The following OSBPL5 variants were observed in gnomAD, a reference collection of about 807,000 sequenced individuals.
The protein encoded by OSBPL5 is oxysterol binding protein like 5, also known as oxysterol-binding protein-related protein 5.
Under a neutral mutation model 111.2 loss-of-function variants are expected in OSBPL5, and 71 were observed. The ratio of observed to expected loss-of-function variants is 0.64; its 90% CI spans 0.53 to 0.78. The LOEUF is 0.78. OSBPL5 is among the 30% of genes least tolerant of loss of function. The pLI is 0.00. For synonymous variants in OSBPL5, 549 were observed against 513.9 expected (o/e 1.07, Z -0.93); for missense variants, 1,210 against 1,189.3 (o/e 1.02, Z -0.26).
chr11:3,142,257 G>A lies in OSBPL5; in HGVS notation c.-21-13088C>T, dbSNP rs181490620. 1.5e-4 allele frequency among the ~76,000 whole-genome samples: 23 copies of A among 152,340 alleles called. No homozygotes were observed. Among genetic ancestry groups the A allele is most frequent in the East Asian group, 5.8e-4 (3 of 5,180 alleles). Reference sequence around the variant, plus strand: ...TGAGGCCAAGAGAAGAAGCTGACTCGCCCAGGGCCACACGGCAGGTTGGTG... The same window carrying A: ...TGAGGCCAAGAGAAGAAGCTGACTCACCCAGGGCCACACGGCAGGTTGGTG... On this transcript the variant is annotated intron_variant, in intron 1 of 21. Transcript: ENST00000263650. The surrounding 1 kb of genome is among the most constrained non-coding windows in gnomAD (Gnocchi z 7.1).
At chr11:3,094,555 G>T in intron 14 of OSBPL5, 1 of 518,164 alleles carries the variant, frequency 1.9e-6, no homozygotes, top group Non-Finnish European at 3.5e-6. Context: ...TGGGAGGTGC[G>T]GAGCCTGGGA....
intron 13 of OSBPL5, 36 bp from the exon 14 acceptor site, chr11:3,100,292 G>A (rs749199588): frequency 6.3e-6 from 10 of 1,594,164 alleles, no homozygotes; most frequent in South Asian, 4.4e-5. Flanking sequence ...CAGTGAGTGC[G>A]GACAGCCCTT....
rs931547881 is a variant in OSBPL5 at position 3,113,877 on chromosome 11, G to A, written c.691+5670C>T. Reference sequence around the variant, plus strand: ...CAGGAATGAACAAGGATAGCTTGAAGGTTAGAAACAAGATGGAGTCAGTTA... The same window carrying A: ...CAGGAATGAACAAGGATAGCTTGAAAGTTAGAAACAAGATGGAGTCAGTTA... On this transcript the variant is annotated intron_variant, in intron 7 of 21. Transcript: ENST00000263650. The surrounding 1 kb of genome is among the most constrained non-coding windows in gnomAD (Gnocchi z 4.8). Among the ~76,000 whole-genome samples the A allele has an allele frequency of 6.6e-6, 1 of 152,140 alleles. No individual in the cohort carries two copies. Among genetic ancestry groups the A allele is most frequent in the Non-Finnish European group, 1.5e-5 (1 of 68,022 alleles).
chr11:3,163,635 G>T (rs1466349057), intron 1 of OSBPL5, among the ~76,000 whole-genome samples: 1 of 152,186 alleles, frequency 6.6e-6, no homozygotes, highest in Non-Finnish European at 1.5e-5. Flanking sequence ...AGCCTCCACT[G>T]GACATGCAGG....
chr11:3,147,027 C>T (rs1220655564), intron 1 of OSBPL5, among the ~76,000 whole-genome samples: 2 of 152,112 alleles, frequency 1.3e-5, no homozygotes, highest in Non-Finnish European at 1.5e-5. Flanking sequence ...CTGGGTGGGC[C>T]GAGGCCCCAG....
intron 1 of OSBPL5, among the ~76,000 whole-genome samples, chr11:3,134,406 G>A (rs943703451): frequency 6.6e-6 from 1 of 152,166 alleles, no homozygotes. Context: ...TTGTTCAGCT[G>A]TTGGGCAGAC....
intron 21 of OSBPL5, 88 bp downstream of exon 21, chr11:3,089,758 C>T (rs1384421733): frequency 1.5e-6 from 2 of 1,313,512 alleles, no homozygotes; most frequent in African/African-American, 1.5e-5. Context: ...CCGCGGCCTC[C>T]TGGCCTCCCC....
chr11:3,119,829 C>T (rs1858341647), intron 6 of OSBPL5, 198 bp from the exon 7 acceptor site: 4 of 533,152 alleles, frequency 7.5e-6, no homozygotes, highest in Non-Finnish European at 6.5e-6. Context: ...GAGCTCTGTC[C>T]CCTTTCTTAG....
At position 3,107,978 on chromosome 11, in the gene OSBPL5, C is replaced by A. The variant is rs756590261; in HGVS notation, c.692-33G>T. On this transcript the variant is annotated intron_variant, in intron 7 of 21. Transcript: ENST00000263650. This position sits in a 1 kb window ranked among gnomAD's most constrained non-coding sequence, Gnocchi z 6.1. ...GCACACGGGATGAGCATGCCCCACC[C>A]CCACCTCTGTATATCCCGCATCCCC... 53 of 997,586 alleles carry A rather than the reference C, an allele frequency of 5.3e-5. No individual in the cohort carries two copies. The highest frequency in any genetic ancestry group is 6.8e-5 in the Non-Finnish European group (48 of 708,884). 61.8% of individuals were successfully genotyped at this position (997,586 alleles called of 1,614,324 possible).
intron 19 of OSBPL5, among the ~76,000 whole-genome samples, 191 bp from the exon 20 acceptor site, chr11:3,090,887 C>G (rs1458472652): frequency 6.6e-6 from 1 of 152,226 alleles, no homozygotes; most frequent in African/African-American, 2.4e-5. Context: ...GCCATGGTCC[C>G]TTTGAGCCTG....
At chr11:3,139,148 C>T (rs955162323) in intron 1 of OSBPL5, among the ~76,000 whole-genome samples, 40 of 152,246 alleles carry the variant, frequency 2.6e-4, no homozygotes, top group African/African-American at 8.4e-4. Context: ...CACACCACCA[C>T]AGCTGTTCCC....
In OSBPL5 at chr11:3,154,163, T is replaced by C. The variant is rs1001770184; in HGVS notation, c.-22+11053A>G. ...GAGAGCTGCTGTAGGAGGTGTTTGC[T>C]AGACTGGGCCAGAGGGCAAAGGTGA... On this transcript the variant is annotated intron_variant, in intron 1 of 21. Coordinates refer to ENST00000263650, the MANE Select transcript of OSBPL5 (RefSeq NM_020896.4). This position sits in a 1 kb window ranked among gnomAD's most constrained non-coding sequence, Gnocchi z 4.9. Among the ~76,000 whole-genome samples, 55 of 152,240 alleles carry C rather than the reference T, an allele frequency of 3.6e-4. No homozygotes were observed. Among genetic ancestry groups the C allele is most frequent in the African/African-American group, 1.3e-3 (54 of 41,464 alleles).
At position 3,114,635 on chromosome 11, in the gene OSBPL5, G is replaced by A. The variant is rs376649536; in HGVS notation, c.691+4912C>T. On this transcript the variant is annotated intron_variant, in intron 7 of 21. Transcript: ENST00000263650. ...TTTTTTTTAGACAGAGTCTCGCTCT[G>A]TTGCCCAGGCTGGAGTGCAGTGGCG... is the stretch of plus-strand genomic sequence containing the variant. 7.7e-3 allele frequency among the ~76,000 whole-genome samples: 863 copies of A among 112,484 alleles called. 9 individuals are homozygous for A. The highest frequency in any genetic ancestry group is 0.028 in the African/African-American group (799 of 28,498). 73.8% of individuals were successfully genotyped at this position (112,484 alleles called of 152,430 possible).
intron 7 of OSBPL5, among the ~76,000 whole-genome samples, chr11:3,111,538 A>G (rs1857931529): frequency 6.6e-6 from 1 of 152,150 alleles, no homozygotes; most frequent in South Asian, 2.1e-4. Context: ...TGTTTCGCTT[A>G]ACTGTTTTTT....
At position 3,121,907 on chromosome 11, in the gene OSBPL5, T is replaced by C. The variant is rs1858429293; in HGVS notation, c.402+90A>G. 1 of 1,186,500 alleles carries C rather than the reference T, an allele frequency of 8.4e-7. No individual in the cohort carries two copies. Among genetic ancestry groups the C allele is most frequent in the Non-Finnish European group, 1.2e-6 (1 of 834,836 alleles). The allele number at this position is 1,186,500 out of a possible 1,614,324, so 73.5% of individuals were successfully genotyped here. ...CTAGATGCAGGGAAGTGAATTTCCATCGTTTCAGGCCACCTGGTTTATGGT... is the reference window on the plus strand; with the variant it reads ...CTAGATGCAGGGAAGTGAATTTCCACCGTTTCAGGCCACCTGGTTTATGGT... On this transcript the variant is annotated intron_variant, in intron 5 of 21. Transcript: ENST00000263650. This position sits in a 1 kb window ranked among gnomAD's most constrained non-coding sequence, Gnocchi z 4.3.
At chr11:3,129,278 T>C in intron 1 of OSBPL5, 109 bp from the exon 2 acceptor site, 1 of 1,055,496 alleles carries the variant, frequency 9.5e-7, no homozygotes, top group East Asian at 3.2e-5. Flanking sequence ...AGGGGACTTC[T>C]GAGGCAGGGT....
chr11:3,164,226 C>A (rs893586536), intron 1 of OSBPL5: 2 of 152,386 alleles, frequency 1.3e-5, no homozygotes. Flanking sequence ...GAGCAAGTTG[C>A]GAAACGGCAA....
Position 3,090,501 on chromosome 11 carries a change from A to G in OSBPL5, c.2398+57T>C. On this transcript the variant is annotated intron_variant, in intron 20 of 21. Coordinates refer to ENST00000263650, the MANE Select transcript of OSBPL5 (RefSeq NM_020896.4). ...CTCTGGCCTCCCCTCCAGCCAGGTCAGCATCTGAGGCACCCCACCAGACAG... is the reference window on the plus strand; with the variant it reads ...CTCTGGCCTCCCCTCCAGCCAGGTCGGCATCTGAGGCACCCCACCAGACAG... 2 of 1,581,902 alleles carry G rather than the reference A, an allele frequency of 1.3e-6. 1 individual carries two copies. The highest frequency in any genetic ancestry group is 2.3e-5 in the South Asian group (2 of 88,748).
chr11:3,093,908 C>CAG, intron 15 of OSBPL5, 73 bp from the exon 16 acceptor site: 1 of 1,515,616 alleles, frequency 6.6e-7, no homozygotes, highest in Non-Finnish European at 8.9e-7. Flanking sequence ...CTCATGGGGG[C>CAG]ACGGAACAGT....
Sources: gnomAD v4.1 joint callset for allele counts (sites outside exome capture counted in the v4.1 genomes callset) on GRCh38, gnomAD v4.1.1 for gene constraint, Gnocchi (gnomAD v3.1) non-coding constraint, MANE v1.5 for transcripts, NCBI Gene and HGNC (gene_info 2026-07-23, HGNC 2026-07-21) for gene names.